HRH1: variants seen among roughly 807,000 people sequenced by gnomAD.
HRH1 encodes histamine receptor H1, also known as histamine H1 receptor.
In HRH1, 6 loss-of-function variants were observed where a neutral mutation model predicts 10.3. The observed-to-expected ratio is 0.58, with a 90% confidence interval of 0.32 to 1.15. The LOEUF (loss-of-function observed/expected upper bound fraction) is 1.15, where lower values mean the gene tolerates loss of function less well. Among genes scored for constraint, HRH1 ranks in the 50% most tolerant of loss-of-function variants. HRH1 has a pLI of 0.05. For missense variants in HRH1, 514 were observed against 615.3 expected (o/e 0.84, Z 1.74); for synonymous variants, 242 against 236.7 (o/e 1.02, Z -0.21).
At chr3:11,146,236 A>G (rs1936440016) in intron 1 of HRH1, among the ~76,000 whole-genome samples, 2 of 152,046 alleles carry the variant, frequency 1.3e-5, no homozygotes, top group Non-Finnish European at 2.9e-5. Flanking sequence ...AGTCTTTCAT[A>G]TTTCATCCAT....
In HRH1 at chr3:11,190,090, C is replaced by A. The variant is rs151334398; in HGVS notation, c.-36+35536C>A. Among the ~76,000 whole-genome samples the A allele has an allele frequency of 3.8e-3, 576 of 152,226 alleles. 2 individuals are homozygous for A. The highest frequency in any genetic ancestry group is 6.8e-3 in the Middle Eastern group (2 of 294). On this transcript the variant is annotated intron_variant, in intron 1 of 1. Coordinates refer to ENST00000431010, the MANE Select transcript of HRH1 (RefSeq NM_001098212.2). ...TGTGTTCTAGGGTGGCTTTGGGACA[C>A]CCTGATGGATGTTTATACAAAGGTG...
rs114127360 is a variant in HRH1 at position 11,227,973 on chromosome 3, C to A, written c.-35-31030C>A. ...GAATTGGGAGTCTTATTCACATTTC[C>A]ATCTCTAGTGGCTTGGCCTAGCATA... On this transcript the variant is annotated intron_variant, in intron 1 of 1. Transcript: ENST00000431010. Among the ~76,000 whole-genome samples, 1,305 of 152,312 alleles carry A rather than the reference C, an allele frequency of 8.6e-3. 11 individuals carry two copies. Among genetic ancestry groups the A allele is most frequent in the Non-Finnish European group, 0.011 (721 of 68,034 alleles).
intron 1 of HRH1, among the ~76,000 whole-genome samples, chr3:11,214,151 G>T (rs754142871): frequency 3.3e-5 from 5 of 152,168 alleles, no homozygotes; most frequent in Admixed American, 2.6e-4. Flanking sequence ...AACAGGAGGG[G>T]GAGGGGAAAG....
intron 1 of HRH1, among the ~76,000 whole-genome samples, chr3:11,180,035 T>A (rs116658912): frequency 0.063 from 9,578 of 152,210 alleles, 384 homozygotes; most frequent in Non-Finnish European, 0.098. Context: ...AGCGCTGGAA[T>A]TACAGGCATG....
At chr3:11,222,819 T>C (rs897853583) in intron 1 of HRH1, among the ~76,000 whole-genome samples, 1 of 152,128 alleles carries the variant, frequency 6.6e-6, no homozygotes, top group Non-Finnish European at 1.5e-5. Context: ...CATTCCACCA[T>C]TCAAGCGCAT....
chr3:11,246,001 TACAC>T (rs1553581783), intron 1 of HRH1, among the ~76,000 whole-genome samples: 1 of 77,134 alleles, frequency 1.3e-5, no homozygotes, highest in Non-Finnish European at 3.2e-5. Context: ...CACACACACT[TACAC>T]ATACACACAT....
chr3:11,160,961 A>G (rs763262560), intron 1 of HRH1, among the ~76,000 whole-genome samples: 34 of 152,328 alleles, frequency 2.2e-4, no homozygotes, highest in South Asian at 4.1e-4. Context: ...GCAGTACCCT[A>G]GAGTATCAAT....
intron 1 of HRH1, among the ~76,000 whole-genome samples, chr3:11,206,820 A>T (rs1030880678): frequency 1.3e-5 from 2 of 152,136 alleles, no homozygotes; most frequent in East Asian, 3.9e-4. Context: ...AGATGCAGAG[A>T]CCACCGTCTG....
chr3:11,224,552 T>C (rs781438736), intron 1 of HRH1, among the ~76,000 whole-genome samples: 2 of 151,936 alleles, frequency 1.3e-5, no homozygotes, highest in Non-Finnish European at 2.9e-5. Context: ...CAAAAAAAAT[T>C]AGCCGAGCAT....
chr3:11,215,159 C>G (rs1938446613), intron 1 of HRH1, among the ~76,000 whole-genome samples: 1 of 152,204 alleles, frequency 6.6e-6, no homozygotes, highest in South Asian at 2.1e-4. Flanking sequence ...GTGTCCCAGG[C>G]TTTTACCCTT....
chr3:11,179,117 G>A (rs1172683610), intron 1 of HRH1, among the ~76,000 whole-genome samples: 6 of 151,962 alleles, frequency 3.9e-5, no homozygotes, highest in South Asian at 2.1e-4. Context: ...GCAAAACCCC[G>A]TCTCTACTAA....
chr3:11,148,703 T>C (rs913700726), intron 1 of HRH1, among the ~76,000 whole-genome samples: 3 of 152,150 alleles, frequency 2.0e-5, no homozygotes, highest in African/African-American at 7.2e-5. Flanking sequence ...TCAGATCTCC[T>C]TGGCCAGAAT....
intron 1 of HRH1, among the ~76,000 whole-genome samples, chr3:11,193,994 T>G (rs1455735538): frequency 6.6e-6 from 1 of 152,258 alleles, no homozygotes; most frequent in East Asian, 1.9e-4. Flanking sequence ...GGAGTGTTCT[T>G]TATCAGTTTT....
rs1166651663 is a variant in HRH1, at chr3:11,179,596, G to C, written c.-36+25042G>C. The stretch of plus-strand genomic sequence containing the variant: ...GATTACGCCACTGCACTCCAGCCTG[G>C]GTGACAGAGCAAGACTCTGTCTCAA... On this transcript the variant is annotated intron_variant, in intron 1 of 1. Transcript: ENST00000431010. 2.0e-5 allele frequency among the ~76,000 whole-genome samples: 3 copies of C among 150,582 alleles called. No individual in the cohort carries two copies. The East Asian group carries it at 5.8e-4, about 29-fold the overall frequency.
intron 1 of HRH1, among the ~76,000 whole-genome samples, chr3:11,157,588 G>C (rs1344291942): frequency 6.6e-6 from 1 of 152,198 alleles, no homozygotes; most frequent in African/African-American, 2.4e-5. Flanking sequence ...TACTCTTCGG[G>C]AGCAATGCTG....
At chr3:11,169,254 C>T (rs908370478) in intron 1 of HRH1, among the ~76,000 whole-genome samples, 5 of 152,202 alleles carry the variant, frequency 3.3e-5, no homozygotes, top group South Asian at 2.1e-4. Flanking sequence ...ACGGATGTAG[C>T]GTCAGACAGA....
intron 1 of HRH1, among the ~76,000 whole-genome samples, chr3:11,256,458 A>T (rs1939785359): frequency 6.6e-6 from 1 of 152,204 alleles, no homozygotes; most frequent in Admixed American, 6.5e-5. Flanking sequence ...TTCCACAAGG[A>T]TCAAACACCT....
In HRH1 at chr3:11,184,686, C is replaced by A. The variant is rs112942268; in HGVS notation, c.-36+30132C>A. ...AATCCAATAGTTTGGGAGGCCGAGG[C>A]GGGCGGATCACCTGAGGTCAGGAGT... On this transcript the variant is annotated intron_variant, in intron 1 of 1. Coordinates refer to ENST00000431010, the MANE Select transcript of HRH1 (RefSeq NM_001098212.2). Among the ~76,000 whole-genome samples the A allele has an allele frequency of 4.1e-4, 63 of 152,112 alleles. No individual in the cohort carries two copies. The East Asian group carries it at 0.01, about 25-fold the overall frequency.
At chr3:11,142,018 A>G (rs764949959) in intron 1 of HRH1, among the ~76,000 whole-genome samples, 10 of 152,136 alleles carry the variant, frequency 6.6e-5, no homozygotes, top group Non-Finnish European at 1.2e-4. Flanking sequence ...CTGAGCACCA[A>G]CTGTACTAGA....
Sources: allele counts gnomAD v4.1 joint callset (sites outside exome capture counted in the v4.1 genomes callset), GRCh38; gene constraint gnomAD v4.1.1; transcripts MANE v1.5; gene names NCBI Gene and HGNC (gene_info 2026-07-23, HGNC 2026-07-21).